Variants in IQSEC3 observed in about 807,000 individuals in gnomAD.
The protein encoded by IQSEC3 is IQ motif and Sec7 domain ArfGEF 3.
IQSEC3 carries 50 observed loss-of-function variants against 105.4 expected under a neutral mutation model. The ratio of observed to expected loss-of-function variants is 0.47; its 90% CI spans 0.38 to 0.60. The LOEUF (loss-of-function observed/expected upper bound fraction) is 0.60, where lower values mean the gene tolerates loss of function less well. Among genes scored for constraint, IQSEC3 ranks in the 20% least tolerant of loss-of-function variants. The pLI is 0.00. For missense variants in IQSEC3, 1,415 were observed against 1,630.0 expected (o/e 0.87, Z 2.27); for synonymous variants, 708 against 746.0 (o/e 0.95, Z 0.83).
At chr12:124,376 T>G (rs1865313685) in intron 2 of IQSEC3, among the ~76,000 whole-genome samples, 3 of 112,352 alleles carry the variant, frequency 2.7e-5, no homozygotes, top group East Asian at 2.6e-4. Context: ...GCAACAAGAG[T>G]GAAACTCCAT....
At chr12:114,996 T>C (rs1865004646) in intron 2 of IQSEC3, among the ~76,000 whole-genome samples, 1 of 152,190 alleles carries the variant, frequency 6.6e-6, no homozygotes, top group Admixed American at 6.5e-5. Flanking sequence ...ATCTGATATG[T>C]GCAGCATGAA....
intron 5 of IQSEC3, among the ~76,000 whole-genome samples, chr12:147,213 G>A (rs1866312852): frequency 1.3e-5 from 2 of 152,134 alleles, no homozygotes; most frequent in African/African-American, 4.8e-5. Flanking sequence ...GGGTCTTCCG[G>A]GGTGTCACTG....
At chr12:113,098 C>G (rs1487510139) in intron 2 of IQSEC3, among the ~76,000 whole-genome samples, 1 of 152,108 alleles carries the variant, frequency 6.6e-6, no homozygotes, top group African/African-American at 2.4e-5. Context: ...CAGCCTGGCC[C>G]CCACTTCCTT....
At chr12:80,939 A>G (rs1246353873) in intron 1 of IQSEC3, among the ~76,000 whole-genome samples, 1 of 152,212 alleles carries the variant, frequency 6.6e-6, no homozygotes, top group African/African-American at 2.4e-5. Flanking sequence ...TTGTTCAAGT[A>G]AGACAAGGGC....
At chr12:168,834 C>T (rs992660091) in intron 11 of IQSEC3, 179 bp from the exon 12 acceptor site, 27 of 616,242 alleles carry the variant, frequency 4.4e-5, no homozygotes, top group African/African-American at 2.8e-4. Flanking sequence ...ACTGCGGCTC[C>T]GAGGGGGTAT....
At chr12:164,021 C>T (rs534500343) in intron 9 of IQSEC3, among the ~76,000 whole-genome samples, 1 of 152,216 alleles carries the variant, frequency 6.6e-6, no homozygotes, top group Non-Finnish European at 1.5e-5. Flanking sequence ...CTAGGCGAGG[C>T]TGGTGTGTGT....
chr12:97,486 CAT>C (rs1864275356), intron 1 of IQSEC3, among the ~76,000 whole-genome samples: 1 of 152,066 alleles, frequency 6.6e-6, no homozygotes, highest in Non-Finnish European at 1.5e-5. Flanking sequence ...CTCATTTAAA[CAT>C]ATAACCTTTC....
At chr12:78,341 G>A (rs543584220) in intron 1 of IQSEC3, among the ~76,000 whole-genome samples, 1 of 152,040 alleles carries the variant, frequency 6.6e-6, no homozygotes, top group Non-Finnish European at 1.5e-5. Flanking sequence ...TCCACGGGCC[G>A]CAGCCGGGGC....
intron 5 of IQSEC3, among the ~76,000 whole-genome samples, chr12:155,448 G>C (rs929089707): frequency 1.3e-5 from 2 of 152,182 alleles, no homozygotes; most frequent in Non-Finnish European, 2.9e-5. Flanking sequence ...GGAAAGAGGA[G>C]GAGAGACTCC....
At chr12:145,229 A>G (rs1029144115) in intron 5 of IQSEC3, among the ~76,000 whole-genome samples, 2 of 152,228 alleles carry the variant, frequency 1.3e-5, no homozygotes, top group Non-Finnish European at 2.9e-5. Context: ...TTCAATGTAC[A>G]TGAAGTGCCT....
At position 125,675 on chromosome 12, in the gene IQSEC3, C is replaced by A; in HGVS notation, c.666C>A (p.Ser222=). 1 of 1,540,318 alleles carries A rather than the reference C, an allele frequency of 6.5e-7. No individual in the cohort carries two copies. The highest frequency in any genetic ancestry group is 8.7e-7 in the Non-Finnish European group (1 of 1,154,836). The stretch of plus-strand genomic sequence containing the variant: ...AGGCCGGTGGGGGCATGGAGGACTC[C>A]GTGGTGGCAGCGGCGGCGGTGGCAG... The part of the protein sequence containing the change: ...CTQAGGGMED[S]VVAAAAVAAG... Residue 222 remains serine (S), a synonymous_variant, in exon 3 of 14, where the codon TCC becomes TCA. Coordinates refer to ENST00000538872, the MANE Select transcript of IQSEC3 (RefSeq NM_001170738.2).
rs782535623 is a variant in IQSEC3, at chr12:138,713, G to A, written c.1350G>A (p.Glu450=). ...LQAAAGPPGL[E]AEGRAPESAG... ...CGGCCGCGGGGCCCCCAGGCCTGGA[G>A]GCCGAGGGGCGGGCGCCGGAGAGCG... is the stretch of plus-strand genomic sequence containing the variant. The change falls in exon 4 of 14, where the codon GAG becomes GAA. Residue 450 remains glutamate, a synonymous_variant. Transcript: ENST00000538872. This position sits in a 1 kb window ranked among gnomAD's most constrained non-coding sequence, Gnocchi z 7.1. The A allele has an allele frequency of 6.6e-7, 1 of 1,506,312 alleles. No homozygotes were observed. The highest frequency in any genetic ancestry group is 8.8e-7 in the Non-Finnish European group (1 of 1,133,312). 93.3% of individuals were successfully genotyped at this position (1,506,312 alleles called of 1,614,324 possible). A position where few individuals can be genotyped will look rare whatever the true frequency, so the allele number is the denominator to read the frequency against.
intron 3 of IQSEC3, among the ~76,000 whole-genome samples, chr12:127,247 G>A (rs782750051): frequency 5.9e-5 from 9 of 152,204 alleles, no homozygotes; most frequent in African/African-American, 1.2e-4. Context: ...GGGGCCAGGC[G>A]TGGTGGCTCA....
At chr12:145,429 C>G (rs1271351862) in intron 5 of IQSEC3, among the ~76,000 whole-genome samples, 4 of 152,194 alleles carry the variant, frequency 2.6e-5, no homozygotes, top group African/African-American at 9.7e-5. Context: ...TAAATGTTAG[C>G]TATTTCATTA....
intron 5 of IQSEC3, among the ~76,000 whole-genome samples, chr12:146,706 G>A (rs1866289709): frequency 6.6e-6 from 1 of 151,852 alleles, no homozygotes; most frequent in South Asian, 2.1e-4. Context: ...GTGGGAGGAA[G>A]GGAGGGAGGG....
chr12:109,370 C>G (rs868968235), intron 2 of IQSEC3, among the ~76,000 whole-genome samples: 3 of 152,112 alleles, frequency 2.0e-5, no homozygotes, highest in Non-Finnish European at 4.4e-5. Flanking sequence ...GTTTATAACC[C>G]TAGTTCGGAT....
chr12:139,304 C>T lies in IQSEC3; in HGVS notation c.1941C>T (p.Thr647=). 4 of 1,600,784 alleles carry T rather than the reference C, an allele frequency of 2.5e-6. No individual in the cohort carries two copies. The highest frequency in any genetic ancestry group is 2.6e-6 in the Non-Finnish European group (3 of 1,174,506). The part of the protein sequence containing the change: ...PASCKSPTLS[T]DTLRKRLYRI... Reference sequence around the variant, plus strand: ...GCTGCAAGTCGCCCACGCTCTCCACCGACACCCTGCGCAAGCGGCTCTACC... The same window carrying T: ...GCTGCAAGTCGCCCACGCTCTCCACTGACACCCTGCGCAAGCGGCTCTACC... Residue 647 remains threonine (T), a synonymous_variant, in exon 4 of 14, where the codon ACC becomes ACT. Coordinates refer to ENST00000538872, the MANE Select transcript of IQSEC3 (RefSeq NM_001170738.2).
chr12:165,764 T>C lies in IQSEC3; in HGVS notation c.2845T>C (p.Ser949Pro). ...SHGITLVTPL[S>P]GSEKKQVLHF... is the part of the protein sequence containing the mutation. Reference sequence around the variant, plus strand: ...TGGCATCACACTGGTGACCCCGCTCTCGGGCTCCGAGAAGAAGCAGGTGCT... The same window carrying C: ...TGGCATCACACTGGTGACCCCGCTCCCGGGCTCCGAGAAGAAGCAGGTGCT... The change falls in exon 11 of 14, where the codon TCG becomes CCG. Residue 949 changes from serine (S) to proline (P), a missense_variant. Physicochemically the swap from Ser to Pro is moderately conservative, Grantham distance 74. Coordinates refer to ENST00000538872, the MANE Select transcript of IQSEC3 (RefSeq NM_001170738.2). The C allele has an allele frequency of 6.2e-7, 1 of 1,613,956 alleles. No individual in the cohort carries two copies. Among genetic ancestry groups the C allele is most frequent in the Non-Finnish European group, 8.5e-7 (1 of 1,180,044 alleles).
At chr12:161,628 G>A (rs1242539980) in intron 7 of IQSEC3, among the ~76,000 whole-genome samples, 1 of 152,220 alleles carries the variant, frequency 6.6e-6, no homozygotes, top group Non-Finnish European at 1.5e-5. Context: ...GGAACATGGA[G>A]GCTGTATCTG....
Sources: gnomAD v4.1 joint callset for allele counts (sites outside exome capture counted in the v4.1 genomes callset) on GRCh38, gnomAD v4.1.1 for gene constraint, Gnocchi (gnomAD v3.1) non-coding constraint, MANE v1.5 for transcripts, NCBI Gene and HGNC (gene_info 2026-07-23, HGNC 2026-07-21) for gene names.